The following CCDC91 variants were observed in gnomAD, a reference collection of about 807,000 sequenced individuals.
CCDC91 encodes the protein coiled-coil domain containing 91.
CCDC91 carries 48 observed loss-of-function variants against 63.2 expected under a neutral mutation model. The observed-to-expected ratio is 0.76, with a 90% CI of 0.60 to 0.97. The LOEUF is 0.97. CCDC91 is among the 50% of genes least tolerant of loss of function. The probability of loss-of-function intolerance (pLI) is 0.00; values close to 1 mark genes in which losing one functional copy is unlikely to be tolerated. For missense variants in CCDC91, 500 were observed against 494.6 expected (o/e 1.01, Z -0.10); for synonymous variants, 167 against 165.8 (o/e 1.01, Z -0.06).
chr12:28,442,831 T>C (rs188243330), intron 8 of CCDC91, among the ~76,000 whole-genome samples: 67 of 152,094 alleles, frequency 4.4e-4, no homozygotes, highest in African/African-American at 1.5e-3. Context: ...TATGATCAAA[T>C]GTCAAAGTAT....
At chr12:28,290,815 C>T (rs1399767657) in intron 3 of CCDC91, among the ~76,000 whole-genome samples, 1 of 25,048 alleles carries the variant, frequency 4.0e-5, no homozygotes, top group East Asian at 7.2e-3. Flanking sequence ...GGCTTCATAC[C>T]CAACTCATGT....
chr12:28,278,948 A>G (rs1948420043), intron 3 of CCDC91, among the ~76,000 whole-genome samples: 1 of 152,056 alleles, frequency 6.6e-6, no homozygotes. Context: ...ATATTATATA[A>G]CTTATATACA....
chr12:28,519,392 A>G (rs928147814), intron 12 of CCDC91, among the ~76,000 whole-genome samples: 14 of 151,852 alleles, frequency 9.2e-5, no homozygotes, highest in Admixed American at 6.6e-5. Flanking sequence ...CAGAAGAGCT[A>G]CTGGTTTGTG....
intron 8 of CCDC91, among the ~76,000 whole-genome samples, chr12:28,446,888 A>G (rs558226556): frequency 3.3e-5 from 5 of 152,344 alleles, no homozygotes; most frequent in African/African-American, 9.6e-5. Flanking sequence ...AGCAGATACA[A>G]AGTATTTCTG....
At chr12:28,499,839 T>TA (rs1460988417) in intron 12 of CCDC91, among the ~76,000 whole-genome samples, 5 of 152,152 alleles carry the variant, frequency 3.3e-5, no homozygotes, top group African/African-American at 7.2e-5. Context: ...GAATGATTTA[T>TA]AATCCTTTGG....
At position 28,447,847 on chromosome 12, in the gene CCDC91, G is replaced by A. The variant is rs149376513; in HGVS notation, c.763-2314G>A. ...GAGGGGAGGGGAGGGAAGGGGAGGG[G>A]AGGGGAGGGGAGGGGAAATTTTCCC... is the stretch of plus-strand genomic sequence containing the variant. On this transcript the variant is annotated intron_variant, in intron 8 of 12. Transcript: ENST00000536442. 9.6e-4 allele frequency among the ~76,000 whole-genome samples: 38 copies of A among 39,442 alleles called. 3 individuals carry two copies. Among genetic ancestry groups the A allele is most frequent in the Non-Finnish European group, 1.9e-3 (32 of 16,602 alleles). 25.9% of individuals were successfully genotyped at this position (39,442 alleles called of 152,430 possible).
intron 12 of CCDC91, among the ~76,000 whole-genome samples, chr12:28,502,446 T>C (rs1254225129): frequency 6.6e-6 from 1 of 151,822 alleles, no homozygotes; most frequent in Non-Finnish European, 1.5e-5. Context: ...TACAAACAAA[T>C]GGAACAACAT....
At chr12:28,495,879 T>C (rs1952252845) in intron 12 of CCDC91, among the ~76,000 whole-genome samples, 1 of 151,666 alleles carries the variant, frequency 6.6e-6, no homozygotes, top group African/African-American at 2.4e-5. Context: ...CTATAGTTAA[T>C]AATTTGTTAG....
chr12:28,494,814 C>T (rs539589758), intron 12 of CCDC91, among the ~76,000 whole-genome samples: 1 of 151,844 alleles, frequency 6.6e-6, no homozygotes, highest in Non-Finnish European at 1.5e-5. Context: ...GTCCTAAGAG[C>T]TCTAGATGTA....
At chr12:28,452,945 C>A (rs1291027167) in intron 11 of CCDC91, among the ~76,000 whole-genome samples, 1 of 151,772 alleles carries the variant, frequency 6.6e-6, no homozygotes, top group East Asian at 1.9e-4. Flanking sequence ...AATATATTAA[C>A]CTTTCTGTGT....
intron 6 of CCDC91, among the ~76,000 whole-genome samples, chr12:28,343,095 T>C (rs1942553471): frequency 1.3e-5 from 2 of 151,242 alleles, no homozygotes; most frequent in East Asian, 1.9e-4. Context: ...GAGAGAGAGA[T>C]TGAGAGACAT....
chr12:28,265,259 T>C (rs1479197264), intron 3 of CCDC91, among the ~76,000 whole-genome samples: 5 of 151,996 alleles, frequency 3.3e-5, no homozygotes, highest in African/African-American at 1.2e-4. Flanking sequence ...TTAGAATGCA[T>C]TGACCATCAA....
chr12:28,391,477 A>G lies in CCDC91; in HGVS notation c.762+66A>G, dbSNP rs548134200. On this transcript the variant is annotated intron_variant, in intron 8 of 12. Transcript: ENST00000536442. ...CCTGACTCTCTCCCCTGAGAGCTCT[A>G]TAACTGTTTATTCAGTTCTGTTCCA... The G allele has an allele frequency of 1.6e-4, 149 of 935,250 alleles. 1 individual carries two copies. The South Asian group carries it at 1.9e-3, about 12-fold the overall frequency. 57.9% of individuals were successfully genotyped at this position (935,250 alleles called of 1,614,324 possible). A position where few individuals can be genotyped will look rare whatever the true frequency, so the allele number is the denominator to read the frequency against.
At chr12:28,201,412 CCCA>C (rs1039187762) in intron 1 of CCDC91, among the ~76,000 whole-genome samples, 1 of 137,108 alleles carries the variant, frequency 7.3e-6, no homozygotes, top group Admixed American at 7.0e-5. Context: ...AGAGGCTCTC[CCCA>C]CATCTCAGAC....
At position 28,392,493 on chromosome 12, in the gene CCDC91, T is replaced by A. The variant is rs192991423; in HGVS notation, c.762+1082T>A. 1.9e-3 allele frequency among the ~76,000 whole-genome samples: 296 copies of A among 152,312 alleles called. 3 individuals are homozygous for A. Among genetic ancestry groups the A allele is most frequent in the Non-Finnish European group, 3.6e-3 (243 of 68,028 alleles). On this transcript the variant is annotated intron_variant, in intron 8 of 12. Transcript: ENST00000536442. The stretch of plus-strand genomic sequence containing the variant: ...AAGTGAAAGAGAGCCGTGTTAGATT[T>A]GTATCTGTAATTAAATACTCTGGCC...
intron 3 of CCDC91, among the ~76,000 whole-genome samples, chr12:28,260,999 G>A (rs1442474580): frequency 1.3e-5 from 2 of 151,986 alleles, no homozygotes; most frequent in African/African-American, 2.4e-5. Context: ...TGTGTTTAGG[G>A]ATGAAGTGTA....
chr12:28,198,938 T>C (rs1941990969), intron 1 of CCDC91: 1 of 151,974 alleles, frequency 6.6e-6, no homozygotes, highest in South Asian at 2.1e-4. Flanking sequence ...TTTTTTTTTT[T>C]TAAGAGACAG....
intron 11 of CCDC91, among the ~76,000 whole-genome samples, chr12:28,470,279 G>C (rs577080246): frequency 6.6e-6 from 1 of 152,156 alleles, no homozygotes; most frequent in Non-Finnish European, 1.5e-5. Context: ...GAAAATATTT[G>C]AAAAGACATT....
At chr12:28,261,155 AC>A (rs1946800810) in intron 3 of CCDC91, among the ~76,000 whole-genome samples, 2 of 151,982 alleles carry the variant, frequency 1.3e-5, no homozygotes, top group Admixed American at 6.6e-5. Context: ...GAATGGTGTT[AC>A]CATGAACAGA....
Sources: allele counts gnomAD v4.1 joint callset (sites outside exome capture counted in the v4.1 genomes callset), GRCh38; gene constraint gnomAD v4.1.1; transcripts MANE v1.5; gene names NCBI Gene and HGNC (gene_info 2026-07-23, HGNC 2026-07-21).